ENPP2: variants seen among roughly 807,000 people sequenced by gnomAD.
The protein encoded by ENPP2 is ectonucleotide pyrophosphatase/phosphodiesterase 2.
Under a neutral mutation model 120.2 loss-of-function variants are expected in ENPP2, and 51 were observed. The observed-to-expected ratio is 0.42, with a 90% confidence interval of 0.34 to 0.54. The LOEUF (loss-of-function observed/expected upper bound fraction) is 0.54. ENPP2 is among the 20% of genes least tolerant of loss of function. ENPP2 has a pLI of 0.04. For missense variants in ENPP2, 920 were observed against 1,066.5 expected (o/e 0.86, Z 1.91); for synonymous variants, 365 against 366.4 (o/e 1.00, Z 0.04).
intron 1 of ENPP2, among the ~76,000 whole-genome samples, chr8:119,650,128 A>G (rs1020061610): frequency 6.6e-6 from 1 of 152,254 alleles, no homozygotes; most frequent in African/African-American, 2.4e-5. Flanking sequence ...AATGGGGTAT[A>G]TCCATACGGT....
At chr8:119,588,966 G>T (rs75575411) in intron 13 of ENPP2, among the ~76,000 whole-genome samples, 15,741 of 152,100 alleles carry the variant, frequency 0.1, 882 homozygotes, top group Middle Eastern at 0.18. Context: ...CATCATCCTC[G>T]AAGCTAGTTC....
rs541721927 is a variant in ENPP2 at position 119,657,379 on chromosome 8, T to A, written c.21+15873A>T. ...ACCATACCATGCCTCCTCTATTGAGTTTGTTCTATTGGAAATTCTTCTTAC... is the reference window on the plus strand; with the variant it reads ...ACCATACCATGCCTCCTCTATTGAGATTGTTCTATTGGAAATTCTTCTTAC... On this transcript the variant is annotated intron_variant, in intron 1 of 25. Coordinates refer to the ENPP2 transcript ENST00000427067. Among the ~76,000 whole-genome samples the A allele has an allele frequency of 2.0e-5, 3 of 152,364 alleles. No homozygotes were observed. The South Asian group carries it at 6.2e-4, about 32-fold the overall frequency.
intron 1 of ENPP2, among the ~76,000 whole-genome samples, chr8:119,672,232 C>T (rs1425794025): frequency 1.3e-5 from 2 of 152,088 alleles, no homozygotes; most frequent in Non-Finnish European, 2.9e-5. Flanking sequence ...GTGACCACTG[C>T]GGGGGAAACC....
chr8:119,567,931 C>T (rs150175015), intron 22 of ENPP2, among the ~76,000 whole-genome samples: 6 of 152,248 alleles, frequency 3.9e-5, no homozygotes, highest in East Asian at 1.9e-4. Context: ...TAATTATAAA[C>T]CGGGGATAAA....
At position 119,626,601 on chromosome 8, in the gene ENPP2, A is replaced by G; in HGVS notation, c.256T>C (p.Cys86Arg). 6.2e-7 allele frequency: 1 copy of G among 1,614,086 alleles called. No homozygotes were observed. Among genetic ancestry groups the G allele is most frequent in the Non-Finnish European group, 8.5e-7 (1 of 1,179,936 alleles). ...CACAGCTCATCAAAGTCATGGCAGC[A>G]ACTGGTATAGCTCTTACACAAGTTG... ...CDNLCKSYTSCCHDFDELCLK... is the reference protein window; with the variant it reads ...CDNLCKSYTSRCHDFDELCLK... Residue 86 changes from cysteine (C) to arginine (R), a missense_variant, in exon 3 of 25, where the codon TGC (cysteine) becomes CGC (arginine). Transcript: ENST00000075322.
rs756333906 is a variant in ENPP2, at chr8:119,582,642, T to C, written c.1544-40A>G. ...GAAAAGGAGGCAGGTGCTTCTTATATTTTTTTGATGAGATATGGTAAGATT... is the reference window on the plus strand; with the variant it reads ...GAAAAGGAGGCAGGTGCTTCTTATACTTTTTTGATGAGATATGGTAAGATT... On this transcript the variant is annotated intron_variant, in intron 17 of 24. Transcript: ENST00000075322. 6.4e-6 allele frequency: 9 copies of C among 1,400,758 alleles called. No individual in the cohort carries two copies. In the Admixed American group the frequency reaches 1.2e-4, roughly 19 times the overall value. 86.8% of individuals were successfully genotyped at this position (1,400,758 alleles called of 1,614,324 possible).
chr8:119,580,447 T>A (rs1282625581), intron 18 of ENPP2: 3 of 436,476 alleles, frequency 6.9e-6, no homozygotes, highest in Admixed American at 8.0e-5. Context: ...ATGTGGGTAC[T>A]GATGATGACT....
In ENPP2 at chr8:119,638,675, A is replaced by C. The variant is rs984998609; in HGVS notation, c.33+73T>G. On this transcript the variant is annotated intron_variant, in intron 1 of 24. Transcript: ENST00000075322. Reference sequence around the variant, plus strand: ...AAGGTGCTATCTTAATTTGCACAACAAAAAGGAAAATGCCAATCAGTCACT... The same window carrying C: ...AAGGTGCTATCTTAATTTGCACAACCAAAAGGAAAATGCCAATCAGTCACT... 57 of 1,135,550 alleles carry C rather than the reference A, an allele frequency of 5.0e-5. No individual in the cohort carries two copies. In the Admixed American group the frequency reaches 9.4e-4, roughly 19 times the overall value. 70.3% of individuals were successfully genotyped at this position (1,135,550 alleles called of 1,614,324 possible).
chr8:119,664,297 T>C (rs1300979207), intron 1 of ENPP2, among the ~76,000 whole-genome samples: 1 of 152,156 alleles, frequency 6.6e-6, no homozygotes, highest in East Asian at 1.9e-4. Flanking sequence ...AGGAGATCCA[T>C]GTTTGAGTTT....
intron 23 of ENPP2, among the ~76,000 whole-genome samples, chr8:119,563,931 T>C (rs1359753338): frequency 1.3e-5 from 2 of 151,414 alleles, no homozygotes; most frequent in Non-Finnish European, 2.9e-5. Context: ...TGTTTCATGC[T>C]TGTATAAAAT....
chr8:119,588,498 C>T (rs1456470607), intron 13 of ENPP2, among the ~76,000 whole-genome samples: 1 of 141,930 alleles, frequency 7.0e-6, no homozygotes, highest in Non-Finnish European at 1.5e-5. Context: ...CACTGCACTC[C>T]AGCCTGGGCG....
At chr8:119,668,399 T>C (rs149427294) in intron 1 of ENPP2, among the ~76,000 whole-genome samples, 33 of 150,110 alleles carry the variant, frequency 2.2e-4, no homozygotes, top group Middle Eastern at 3.4e-3. Flanking sequence ...TCTATACTTT[T>C]TTTTTCTTTT....
intron 23 of ENPP2, among the ~76,000 whole-genome samples, 199 bp downstream of exon 23, chr8:119,564,624 G>C (rs1814247549): frequency 6.6e-6 from 1 of 151,920 alleles, no homozygotes; most frequent in Non-Finnish European, 1.5e-5. Flanking sequence ...GTTGCAGTGA[G>C]CCGAGATCAC....
At chr8:119,593,693 C>T (rs1001385823) in intron 12 of ENPP2, 59 bp downstream of exon 12, 3 of 1,064,328 alleles carry the variant, frequency 2.8e-6, no homozygotes, top group Admixed American at 3.5e-5. Flanking sequence ...TTCTTTTCCT[C>T]AATATGATCA....
chr8:119,571,084 C>T (rs1004691539), intron 19 of ENPP2: 4 of 301,020 alleles, frequency 1.3e-5, no homozygotes, highest in African/African-American at 8.6e-5. Context: ...TTACAGAATG[C>T]TTTTTTTAGT....
chr8:119,609,810 A>G (rs1263269989), intron 8 of ENPP2, among the ~76,000 whole-genome samples: 1 of 152,248 alleles, frequency 6.6e-6, no homozygotes, highest in Non-Finnish European at 1.5e-5. Flanking sequence ...AGATTGTACT[A>G]GGCAATACTT....
At chr8:119,581,030 G>T (rs1450260497) in intron 18 of ENPP2, 3 of 152,036 alleles carry the variant, frequency 2.0e-5, no homozygotes, top group African/African-American at 7.2e-5. Flanking sequence ...ATATTGGGAG[G>T]CCAAGGCGGG....
At chr8:119,639,640 G>T (rs1433389017), upstream of ENPP2, among the ~76,000 whole-genome samples, 1 of 152,070 alleles carries the variant, frequency 6.6e-6, no homozygotes, top group African/African-American at 2.4e-5. Flanking sequence ...AGAGGCAGAT[G>T]GGTGGGGGAA....
chr8:119,569,781 G>C (rs1020274477), intron 20 of ENPP2, among the ~76,000 whole-genome samples: 9 of 120,974 alleles, frequency 7.4e-5, no homozygotes, highest in African/African-American at 2.6e-4. Flanking sequence ...TGTGTAGAAT[G>C]TACAAGAACA....
Sources: allele counts gnomAD v4.1 joint callset (sites outside exome capture counted in the v4.1 genomes callset), GRCh38; gene constraint gnomAD v4.1.1; transcripts MANE v1.5; gene names NCBI Gene and HGNC (gene_info 2026-07-23, HGNC 2026-07-21).